Variants in ERC2 observed in about 807,000 individuals in gnomAD.
The protein encoded by ERC2 is ERC protein 2.
A neutral mutation model predicts 114.8 loss-of-function variants in ERC2; 42 were observed. That is an observed-to-expected ratio of 0.37 (90% CI 0.29 to 0.47). The LOEUF is 0.47. Among genes scored for constraint, ERC2 ranks in the 20% least tolerant of loss-of-function variants. The pLI, the probability that ERC2 is intolerant of heterozygous loss-of-function variation, is 0.99. For synonymous variants in ERC2, 454 were observed against 425.5 expected, an observed-to-expected ratio of 1.07 and a Z score of -0.82; for missense variants, 939 against 1,150.7, an observed-to-expected ratio of 0.82 and a Z score of 2.66.
chr3:56,426,074 C>T (rs538579176), intron 2 of ERC2, among the ~76,000 whole-genome samples: 1 of 152,318 alleles, frequency 6.6e-6, no homozygotes, highest in African/African-American at 2.4e-5. Context: ...ATATTTGTTC[C>T]TTTATCAGGA....
chr3:55,835,728 G>A (rs561762806), intron 14 of ERC2, among the ~76,000 whole-genome samples: 7 of 152,036 alleles, frequency 4.6e-5, no homozygotes, highest in South Asian at 2.1e-4. Flanking sequence ...CTCCTATTCA[G>A]TATAGTGTTG....
chr3:55,911,274 G>A (rs1210622168), intron 13 of ERC2, among the ~76,000 whole-genome samples: 1 of 152,126 alleles, frequency 6.6e-6, no homozygotes, highest in Non-Finnish European at 1.5e-5. Flanking sequence ...AAATCTAGAA[G>A]GCTTCAAAGA....
intron 10 of ERC2, among the ~76,000 whole-genome samples, chr3:55,993,049 T>C (rs1233817120): frequency 6.6e-6 from 1 of 151,914 alleles, no homozygotes; most frequent in Non-Finnish European, 1.5e-5. Flanking sequence ...TGTGAGAGAG[T>C]GCGTTACAGC....
chr3:55,958,745 G>A (rs935411074), intron 12 of ERC2, among the ~76,000 whole-genome samples: 1 of 152,210 alleles, frequency 6.6e-6, no homozygotes, highest in Non-Finnish European at 1.5e-5. Flanking sequence ...TTGCAGCAGC[G>A]CCCAGGCTTG....
chr3:55,566,715 G>A (rs184345820), intron 17 of ERC2, among the ~76,000 whole-genome samples: 4 of 152,156 alleles, frequency 2.6e-5, no homozygotes, highest in South Asian at 2.1e-4. Context: ...ATGAGCCACC[G>A]TGCAACAGAT....
At chr3:56,183,649 G>A (rs1212508863) in intron 3 of ERC2, among the ~76,000 whole-genome samples, 1 of 152,148 alleles carries the variant, frequency 6.6e-6, no homozygotes, top group Non-Finnish European at 1.5e-5. Flanking sequence ...TTTTCATTTA[G>A]CAAAAATCCA....
At chr3:56,348,953 AAGGAAAGAAAGAAAGAAG>A (rs2058440078) in intron 2 of ERC2, among the ~76,000 whole-genome samples, 5 of 141,798 alleles carry the variant, frequency 3.5e-5, no homozygotes, top group East Asian at 2.0e-4. Flanking sequence ...GGAAGGAAGG[AAGGAAAGAAAGAAAGAAG>A]GAAAGAAAGA....
chr3:56,152,553 A>C (rs1321273880), intron 4 of ERC2, among the ~76,000 whole-genome samples: 2 of 152,128 alleles, frequency 1.3e-5, no homozygotes, highest in Non-Finnish European at 2.9e-5. Flanking sequence ...ATACTCCTGG[A>C]ACTTAGCACC....
chr3:55,694,490 T>A (rs2062831021), intron 16 of ERC2, among the ~76,000 whole-genome samples: 1 of 152,176 alleles, frequency 6.6e-6, no homozygotes, highest in Non-Finnish European at 1.5e-5. Flanking sequence ...ATAGCCCTCA[T>A]TTAGAAGTTG....
At chr3:56,193,437 G>T (rs188994806) in intron 3 of ERC2, among the ~76,000 whole-genome samples, 1 of 151,836 alleles carries the variant, frequency 6.6e-6, no homozygotes, top group Non-Finnish European at 1.5e-5. Flanking sequence ...GAATCTAGAG[G>T]CAGAGGTTGC....
intron 1 of ERC2, among the ~76,000 whole-genome samples, chr3:56,451,098 AG>A (rs1317380214): frequency 6.6e-6 from 1 of 152,170 alleles, no homozygotes; most frequent in Non-Finnish European, 1.5e-5. Context: ...CAATTGGCAA[AG>A]CTTCAGTTAT....
At chr3:55,544,773 A>G (rs1396541374) in intron 17 of ERC2, among the ~76,000 whole-genome samples, 1 of 152,168 alleles carries the variant, frequency 6.6e-6, no homozygotes, top group African/African-American at 2.4e-5. Flanking sequence ...ACAACCATAT[A>G]CAAATCATCA....
chr3:55,581,775 C>T (rs879390144), intron 17 of ERC2, among the ~76,000 whole-genome samples: 14 of 152,252 alleles, frequency 9.2e-5, no homozygotes, highest in East Asian at 1.9e-4. Flanking sequence ...CCATTGACTT[C>T]GCATGGAGCA....
Position 55,998,058 on chromosome 3 carries a change from C to T in ERC2, c.2062-5808G>A, listed in dbSNP as rs536727738. 7.0e-4 allele frequency among the ~76,000 whole-genome samples: 106 copies of T among 150,802 alleles called. 1 individual carries two copies. Among genetic ancestry groups the T allele is most frequent in the Non-Finnish European group, 1.5e-5 (1 of 67,700 alleles). The stretch of plus-strand genomic sequence containing the variant: ...GGGATTACAGGCACAAGCCGCCACA[C>T]CCAGCCCCTATATATCTTAGTTCTA... On this transcript the variant is annotated intron_variant, in intron 10 of 17. Transcript: ENST00000288221.
chr3:56,087,201 G>A (rs2149775895), intron 6 of ERC2, among the ~76,000 whole-genome samples: 1 of 151,942 alleles, frequency 6.6e-6, no homozygotes, highest in African/African-American at 2.4e-5. Flanking sequence ...GTGTGTGTGT[G>A]TGTGTGTGTG....
At chr3:56,065,554 C>A (rs2076434095) in intron 7 of ERC2, among the ~76,000 whole-genome samples, 1 of 151,814 alleles carries the variant, frequency 6.6e-6, no homozygotes, top group Admixed American at 6.6e-5. Context: ...ATTTTAGGTT[C>A]CAGGATACAT....
intron 17 of ERC2, among the ~76,000 whole-genome samples, chr3:55,664,793 A>G (rs1176291497): frequency 6.6e-6 from 1 of 152,190 alleles, no homozygotes; most frequent in African/African-American, 2.4e-5. Flanking sequence ...AAATGGAAAC[A>G]ATATTTAAGT....
chr3:55,939,751 C>G (rs1378380525), intron 13 of ERC2, among the ~76,000 whole-genome samples: 4 of 152,196 alleles, frequency 2.6e-5, no homozygotes, highest in Non-Finnish European at 5.9e-5. Flanking sequence ...AAACAATAAT[C>G]TACTTCACAA....
chr3:55,644,137 A>G (rs945171512), intron 17 of ERC2, among the ~76,000 whole-genome samples: 2 of 152,188 alleles, frequency 1.3e-5, no homozygotes, highest in African/African-American at 2.4e-5. Flanking sequence ...TGAGCTGTCA[A>G]CTAGTTGGTT....
Sources: allele counts gnomAD v4.1 joint callset (sites outside exome capture counted in the v4.1 genomes callset), GRCh38; gene constraint gnomAD v4.1.1; transcripts MANE v1.5; gene names NCBI Gene and HGNC (gene_info 2026-07-23, HGNC 2026-07-21).